Variants in NRDE2 observed in about 807,000 individuals in gnomAD.
NRDE2 encodes NRDE-2, necessary for RNA interference, domain containing.
Under a neutral mutation model 124.2 loss-of-function variants are expected in NRDE2, and 76 were observed. That is an observed-to-expected ratio of 0.61 (90% CI 0.51 to 0.74). The LOEUF (loss-of-function observed/expected upper bound fraction) is 0.74, where lower values mean the gene tolerates loss of function less well. Among genes scored for constraint, NRDE2 ranks in the 30% least tolerant of loss-of-function variants. The probability of loss-of-function intolerance (pLI) is 0.00; values close to 1 mark genes in which losing one functional copy is unlikely to be tolerated. For synonymous variants in NRDE2, 489 were observed against 528.1 expected (o/e 0.93, Z 1.01); for missense variants, 1,314 against 1,417.3 (o/e 0.93, Z 1.17).
In NRDE2 at chr14:90,269,632, A is replaced by G; in HGVS notation, c.*8704T>C. 1 of 1,470,066 alleles carries G rather than the reference A, an allele frequency of 6.8e-7. No individual in the cohort carries two copies. The highest frequency in any genetic ancestry group is 9.2e-7 in the Non-Finnish European group (1 of 1,083,952). 91.1% of individuals were successfully genotyped at this position (1,470,066 alleles called of 1,614,324 possible). Reference sequence around the variant, plus strand: ...TGTGCTTTGGGAGGCCTATAAAATGATACATAAAAAAGCAAATACTGCAGT... The same window carrying G: ...TGTGCTTTGGGAGGCCTATAAAATGGTACATAAAAAAGCAAATACTGCAGT... On this transcript the variant is annotated 3_prime_UTR_variant, in exon 14 of 14. Coordinates refer to ENST00000354366, the MANE Select transcript of NRDE2 (RefSeq NM_017970.4).
At chr14:90,285,296 G>T (rs1046269269) in intron 12 of NRDE2, among the ~76,000 whole-genome samples, 22 of 133,364 alleles carry the variant, frequency 1.6e-4, no homozygotes, top group South Asian at 5.0e-4. Flanking sequence ...AAAAGGAAAT[G>T]TTGATTTTTT....
intron 8 of NRDE2, among the ~76,000 whole-genome samples, chr14:90,294,721 G>T (rs1892362631): frequency 6.6e-6 from 1 of 152,122 alleles, no homozygotes; most frequent in Non-Finnish European, 1.5e-5. Flanking sequence ...TACAGACTTG[G>T]GGAAGATGAA....
intron 1 of NRDE2, among the ~76,000 whole-genome samples, chr14:90,321,082 C>T (rs1313862413): frequency 6.6e-6 from 1 of 152,026 alleles, no homozygotes; most frequent in Non-Finnish European, 1.5e-5. Flanking sequence ...ATGGAACAAA[C>T]AGTATTCAGG....
At chr14:90,304,434 T>A in intron 4 of NRDE2, 52 bp from the exon 5 acceptor site, 2 of 1,363,294 alleles carry the variant, frequency 1.5e-6, no homozygotes, top group Non-Finnish European at 2.0e-6. Flanking sequence ...GTACTACCTC[T>A]GAATGACTAA....
chr14:90,292,929 C>CA (rs1303327294), intron 8 of NRDE2, 57 bp from the exon 9 acceptor site: 4 of 1,525,584 alleles, frequency 2.6e-6, no homozygotes, highest in Non-Finnish European at 3.6e-6. Context: ...CATCGCCACT[C>CA]AATCAGCCTG....
At chr14:90,283,281 G>A (rs1454788194) in intron 12 of NRDE2, among the ~76,000 whole-genome samples, 3 of 152,154 alleles carry the variant, frequency 2.0e-5, no homozygotes, top group African/African-American at 7.2e-5. Flanking sequence ...TCTCTAAGGG[G>A]CCAGATCTTT....
intron 9 of NRDE2, 144 bp downstream of exon 9, chr14:90,292,553 A>T (rs1892298777): frequency 1.2e-6 from 1 of 815,482 alleles, no homozygotes; most frequent in African/African-American, 1.7e-5. Context: ...CACAGATGAG[A>T]ACAGGAGCAG....
At chr14:90,317,489 C>T (rs933896768) in intron 2 of NRDE2, among the ~76,000 whole-genome samples, 3 of 152,094 alleles carry the variant, frequency 2.0e-5, no homozygotes, top group Admixed American at 6.6e-5. Context: ...TTTAGAGTAC[C>T]GGGTTTCACA....
At chr14:90,328,399 A>C (rs1452755940) in intron 1 of NRDE2, among the ~76,000 whole-genome samples, 1 of 152,148 alleles carries the variant, frequency 6.6e-6, no homozygotes, top group Non-Finnish European at 1.5e-5. Flanking sequence ...TCATAGAATA[A>C]TTGATGTTAA....
At chr14:90,280,551 C>T (rs1343580262) in intron 12 of NRDE2, 1 of 152,314 alleles carries the variant, frequency 6.6e-6, no homozygotes, top group Non-Finnish European at 1.5e-5. Context: ...CACAGCTGGC[C>T]AGCCTCCATC....
At chr14:90,306,973 A>G (rs1203328734) in intron 4 of NRDE2, among the ~76,000 whole-genome samples, 1 of 152,222 alleles carries the variant, frequency 6.6e-6, no homozygotes, top group African/African-American at 2.4e-5. Flanking sequence ...GATATTCATA[A>G]AATCTCTTGA....
intron 8 of NRDE2, among the ~76,000 whole-genome samples, chr14:90,295,165 A>AGG (rs1884096937): frequency 6.6e-6 from 1 of 152,226 alleles, no homozygotes; most frequent in Non-Finnish European, 1.5e-5. Flanking sequence ...TTCTGACATT[A>AGG]TACTGTGGTA....
rs1159090196 is a variant in NRDE2, at chr14:90,273,767, C to T, written c.*4569G>A. On this transcript the variant is annotated 3_prime_UTR_variant, in exon 14 of 14. Coordinates refer to ENST00000354366, the MANE Select transcript of NRDE2 (RefSeq NM_017970.4). ...GTGGGCCAGCTGAGGTCAGCATTTC[C>T]TTGCTGGCTGCCAGCTGAGGCCTTT... The T allele has an allele frequency of 6.5e-6, 1 of 154,742 alleles. No individual in the cohort carries two copies. The highest frequency in any genetic ancestry group is 6.5e-5 in the Admixed American group (1 of 15,268). 9.6% of individuals were successfully genotyped at this position (154,742 alleles called of 1,614,324 possible). A position where few individuals can be genotyped will look rare whatever the true frequency, so the allele number is the denominator to read the frequency against.
chr14:90,278,213 C>G lies in NRDE2; in HGVS notation c.*123G>C, dbSNP rs965490533. The stretch of plus-strand genomic sequence containing the variant: ...GAGAGGCTGGCAGCCCACATTATTA[C>G]TATCGAGAAAGAACATTTCAAAAGC... On this transcript the variant is annotated 3_prime_UTR_variant, in exon 14 of 14. Transcript: ENST00000354366. The G allele has an allele frequency of 1.7e-6, 2 of 1,181,962 alleles. No homozygotes were observed. Among genetic ancestry groups the G allele is most frequent in the African/African-American group, 3.0e-5 (2 of 66,332 alleles). 73.2% of individuals were successfully genotyped at this position (1,181,962 alleles called of 1,614,324 possible).
intron 5 of NRDE2, 111 bp downstream of exon 5, chr14:90,303,824 T>C: frequency 3.3e-6 from 3 of 914,982 alleles, no homozygotes; most frequent in East Asian, 2.4e-5. Flanking sequence ...AATCTTTGTA[T>C]GCCCAGTGTC....
intron 1 of NRDE2, among the ~76,000 whole-genome samples, chr14:90,326,890 A>G (rs1321049720): frequency 6.6e-6 from 1 of 152,238 alleles, no homozygotes; most frequent in Non-Finnish European, 1.5e-5. Context: ...CCATAAAAAA[A>G]TCTGAAACTG....
At position 90,304,122 on chromosome 14, in the gene NRDE2, C is replaced by G. The variant is rs1396656919; in HGVS notation, c.818G>C (p.Gly273Ala). The G allele has an allele frequency of 1.2e-6, 2 of 1,614,034 alleles. No individual in the cohort carries two copies. The highest frequency in any genetic ancestry group is 1.7e-6 in the Non-Finnish European group (2 of 1,180,044). Residue 273 changes from glycine (G) to alanine (A), a missense_variant, in exon 5 of 14, where the codon GGG becomes GCG. By Grantham distance (60) the Gly-to-Ala change is moderately conservative. Transcript: ENST00000354366. ...ATGTGTGGTTGACTGATCATAAATCCCCAGAGGATTCAACCAGGTTGTAAC... is the reference window on the plus strand; with the variant it reads ...ATGTGTGGTTGACTGATCATAAATCGCCAGAGGATTCAACCAGGTTGTAAC... ...APVTTWLNPLGIYDQSTTHWL... is the reference protein window; with the variant it reads ...APVTTWLNPLAIYDQSTTHWL...
chr14:90,290,142 C>A, intron 10 of NRDE2, 79 bp downstream of exon 10: 2 of 1,469,426 alleles, frequency 1.4e-6, no homozygotes, highest in Non-Finnish European at 1.8e-6. Context: ...GGAGAGCACT[C>A]GGAGGCTTAC....
At chr14:90,316,018 C>A (rs1177959841) in intron 3 of NRDE2, among the ~76,000 whole-genome samples, 8 of 151,202 alleles carry the variant, frequency 5.3e-5, no homozygotes, top group African/African-American at 1.9e-4. Flanking sequence ...AATAAAGCCC[C>A]CAAGGAATGG....
Sources: allele counts gnomAD v4.1 joint callset (sites outside exome capture counted in the v4.1 genomes callset), GRCh38; gene constraint gnomAD v4.1.1; transcripts MANE v1.5; gene names NCBI Gene and HGNC (gene_info 2026-07-23, HGNC 2026-07-21).